The following FRAS1 variants were observed in gnomAD, a reference collection of about 807,000 sequenced individuals.
FRAS1 encodes Fraser extracellular matrix complex subunit 1.
FRAS1 carries 290 observed loss-of-function variants against 435.2 expected under a neutral mutation model. The ratio of observed to expected loss-of-function variants is 0.67; its 90% CI spans 0.61 to 0.73. The LOEUF is 0.73. Among genes scored for constraint, FRAS1 ranks in the 30% least tolerant of loss-of-function variants. The pLI is 0.00. For synonymous variants in FRAS1, 1,800 were observed against 1,851.0 expected, an observed-to-expected ratio of 0.97 and a Z score of 0.71; for missense variants, 4,860 against 5,001.5, an observed-to-expected ratio of 0.97 and a Z score of 0.85.
chr4:78,275,452 C>G (rs1726955764), intron 9 of FRAS1, among the ~76,000 whole-genome samples: 1 of 152,188 alleles, frequency 6.6e-6, no homozygotes, highest in Admixed American at 6.5e-5. Flanking sequence ...GTGGCTGGCA[C>G]CGGTTGTTCC....
chr4:78,094,375 A>C (rs1490827469), intron 2 of FRAS1, among the ~76,000 whole-genome samples: 1 of 152,058 alleles, frequency 6.6e-6, no homozygotes, highest in African/African-American at 2.4e-5. Context: ...CACAGGCAAC[A>C]TACTTTTTAT....
At chr4:78,236,308 A>AT (rs146438795) in intron 2 of FRAS1, among the ~76,000 whole-genome samples, 90 of 151,144 alleles carry the variant, frequency 6.0e-4, no homozygotes, top group African/African-American at 2.0e-3. Flanking sequence ...TTATTTATTT[A>AT]TTTTTTGGCT....
At chr4:78,132,120 T>G (rs1385518956) in intron 2 of FRAS1, among the ~76,000 whole-genome samples, 3 of 152,194 alleles carry the variant, frequency 2.0e-5, no homozygotes, top group African/African-American at 4.8e-5. Context: ...CAGTGCTGAT[T>G]TGTGTTTTTT....
chr4:78,527,152 G>T (rs1302747136), intron 70 of FRAS1, among the ~76,000 whole-genome samples: 1 of 152,156 alleles, frequency 6.6e-6, no homozygotes, highest in Non-Finnish European at 1.5e-5. Context: ...GTTGTGAACA[G>T]AGGCTCATAG....
intron 2 of FRAS1, among the ~76,000 whole-genome samples, chr4:78,184,319 A>G (rs1315960233): frequency 6.6e-6 from 1 of 152,188 alleles, no homozygotes; most frequent in Non-Finnish European, 1.5e-5. Context: ...CAGTGGGAAA[A>G]CTGTCATGGA....
At chr4:78,211,463 A>G (rs1257089334) in intron 2 of FRAS1, among the ~76,000 whole-genome samples, 1 of 152,170 alleles carries the variant, frequency 6.6e-6, no homozygotes, top group Non-Finnish European at 1.5e-5. Context: ...CTTTGAACTT[A>G]TGTGCTCATT....
In FRAS1 at chr4:78,275,082, CT is replaced by C. The variant is rs1264196860; in HGVS notation, c.982-3572del. ...ACCATTATGTAATGGCCTTCTTTGT[CT>C]CTTTTTAATCTTTCTTGGTTTAAAG... On this transcript the variant is annotated intron_variant, in intron 9 of 73. Coordinates refer to ENST00000512123, the MANE Select transcript of FRAS1 (RefSeq NM_025074.7). 2.2e-4 allele frequency among the ~76,000 whole-genome samples: 34 copies of C among 151,746 alleles called. 1 individual carries two copies. The highest frequency in any genetic ancestry group is 8.0e-4 in the African/African-American group (33 of 41,034).
At chr4:78,305,575 G>A (rs1302571875) in intron 14 of FRAS1, among the ~76,000 whole-genome samples, 1 of 129,436 alleles carries the variant, frequency 7.7e-6, no homozygotes, top group Non-Finnish European at 1.7e-5. Flanking sequence ...ATTCAGGATA[G>A]TTAGCTCTTC....
At chr4:78,101,114 AT>A (rs11286336) in intron 2 of FRAS1, among the ~76,000 whole-genome samples, 32,938 of 150,402 alleles carry the variant, frequency 0.22, 3,942 homozygotes, top group Admixed American at 0.29. Flanking sequence ...GAATAACTCG[AT>A]TTTTTTTTTA....
chr4:78,125,549 A>G (rs1719297582), intron 2 of FRAS1, among the ~76,000 whole-genome samples: 1 of 151,702 alleles, frequency 6.6e-6, no homozygotes, highest in African/African-American at 2.4e-5. Flanking sequence ...ATCTTTGTTA[A>G]TTTTCTCTTT....
At chr4:78,354,977 A>T (rs1378118467) in intron 20 of FRAS1, among the ~76,000 whole-genome samples, 1 of 152,220 alleles carries the variant, frequency 6.6e-6, no homozygotes, top group African/African-American at 2.4e-5. Flanking sequence ...TGATTTGAAG[A>T]AAGCATCACA....
At chr4:78,442,750 G>A (rs1734706517) in intron 41 of FRAS1, among the ~76,000 whole-genome samples, 1 of 152,178 alleles carries the variant, frequency 6.6e-6, no homozygotes, top group Non-Finnish European at 1.5e-5. Context: ...ATCACCTGGA[G>A]GGTTGAAAGT....
intron 29 of FRAS1, 120 bp downstream of exon 29, chr4:78,387,821 A>T (rs1732281295): frequency 1.5e-6 from 1 of 677,980 alleles, no homozygotes; most frequent in Non-Finnish European, 2.3e-6. Flanking sequence ...ATTCAAATAT[A>T]ACCTATTATA....
intron 14 of FRAS1, among the ~76,000 whole-genome samples, chr4:78,291,058 G>A (rs1046750613): frequency 5.3e-5 from 8 of 152,112 alleles, no homozygotes; most frequent in African/African-American, 1.4e-4. Context: ...GAGCCACTGC[G>A]CCCGGCCTAA....
intron 15 of FRAS1, among the ~76,000 whole-genome samples, chr4:78,312,215 CCCATTTGATTTTTTT>C (rs1397445519): frequency 1.9e-5 from 2 of 106,648 alleles, no homozygotes; most frequent in African/African-American, 3.6e-5. Flanking sequence ...TAAGTAGGGT[CCCATTTGATTTTTTT>C]CCATTTCACG....
chr4:78,444,569 T>C (rs1001425088), intron 41 of FRAS1, among the ~76,000 whole-genome samples: 1 of 152,246 alleles, frequency 6.6e-6, no homozygotes, highest in African/African-American at 2.4e-5. Flanking sequence ...TGTTGATGTA[T>C]ATCCAGGCAA....
intron 2 of FRAS1, among the ~76,000 whole-genome samples, chr4:78,086,468 A>G (rs1359816527): frequency 6.6e-6 from 1 of 152,348 alleles, no homozygotes; most frequent in East Asian, 1.9e-4. Flanking sequence ...AACCGTTCAA[A>G]AAATCAATGA....
chr4:78,442,238 A>G (rs763118372), intron 41 of FRAS1, among the ~76,000 whole-genome samples: 1 of 152,252 alleles, frequency 6.6e-6, no homozygotes, highest in Non-Finnish European at 1.5e-5. Flanking sequence ...AATTAGGTTT[A>G]TTTCAACAAA....
chr4:78,366,617 C>G (rs1370580015), intron 22 of FRAS1, among the ~76,000 whole-genome samples: 1 of 152,212 alleles, frequency 6.6e-6, no homozygotes, highest in Non-Finnish European at 1.5e-5. Flanking sequence ...AACCCCCACA[C>G]TGTGAGGTCC....
Sources: allele counts gnomAD v4.1 joint callset (sites outside exome capture counted in the v4.1 genomes callset), GRCh38; gene constraint gnomAD v4.1.1; transcripts MANE v1.5; gene names NCBI Gene and HGNC (gene_info 2026-07-23, HGNC 2026-07-21).